BRSK2: variants seen among roughly 807,000 people sequenced by gnomAD.
The protein encoded by BRSK2 is serine/threonine-protein kinase BRSK2.
In BRSK2, 19 loss-of-function variants were observed where a neutral mutation model predicts 83.3. That is an observed-to-expected ratio of 0.23 (90% CI 0.16 to 0.33). The LOEUF is 0.33. Among genes scored for constraint, BRSK2 ranks in the 10% least tolerant of loss-of-function variants. BRSK2 has a pLI of 1.00. For missense variants in BRSK2, 798 were observed against 1,042.3 expected (o/e 0.77, Z 3.23); for synonymous variants, 519 against 435.4 (o/e 1.19, Z -2.39).
chr11:1,403,030 G>A (rs1327217212), intron 1 of BRSK2, among the ~76,000 whole-genome samples: 2 of 152,180 alleles, frequency 1.3e-5, no homozygotes, highest in East Asian at 1.9e-4. Flanking sequence ...GTGGGAGGAC[G>A]GGCGGGACCC....
chr11:1,393,213 T>C (rs1590282234), intron 1 of BRSK2, among the ~76,000 whole-genome samples: 2 of 151,938 alleles, frequency 1.3e-5, no homozygotes, highest in Admixed American at 1.3e-4. Flanking sequence ...TCCAGGAGGG[T>C]GTGTGGCACG....
chr11:1,459,159 C>T lies in BRSK2; in HGVS notation c.1940-33C>T. Reference sequence around the variant, plus strand: ...AAGGCCCAGGACAGCCTTTCACTCACTCCCTCCCTCCTCTCTCCATTCTGT... The same window carrying T: ...AAGGCCCAGGACAGCCTTTCACTCATTCCCTCCCTCCTCTCTCCATTCTGT... On this transcript the variant is annotated intron_variant, in intron 18 of 19. Coordinates refer to ENST00000528841, the MANE Select transcript of BRSK2 (RefSeq NM_001256627.2). 5 of 1,609,098 alleles carry T rather than the reference C, an allele frequency of 3.1e-6. 1 individual carries two copies. In the South Asian group the frequency reaches 5.5e-5, roughly 18 times the overall value.
intron 4 of BRSK2, among the ~76,000 whole-genome samples, chr11:1,442,166 G>T (rs1851432686): frequency 6.6e-6 from 1 of 151,722 alleles, no homozygotes; most frequent in African/African-American, 2.4e-5. Context: ...GCCATTGCTT[G>T]CATCCCTACG....
chr11:1,459,573 G>A (rs1479510349), intron 19 of BRSK2: 3 of 362,066 alleles, frequency 8.3e-6, no homozygotes, highest in Non-Finnish European at 1.6e-5. Flanking sequence ...AGGGGCCGGT[G>A]CCCATCCCTC....
At position 1,450,615 on chromosome 11, in the gene BRSK2, G is replaced by A. The variant is rs760133399; in HGVS notation, c.1316G>A (p.Ser439Asn). ...ACCCCTCACCCCTCACCAAGGGGCAGTCCCCTCCCCACCCCCAAGGGGACA... is the reference window on the plus strand; with the variant it reads ...ACCCCTCACCCCTCACCAAGGGGCAATCCCCTCCCCACCCCCAAGGGGACA... The part of the protein sequence containing the change: ...RVTPHPSPRG[S>N]PLPTPKGTPV... The change falls in exon 14 of 20, where the codon AGT becomes AAT. Residue 439 changes from serine (S) to asparagine (N), a missense_variant. Ser to Asn is a conservative substitution (Grantham distance 46). This residue lies in a region of BRSK2 where 455 missense variants were observed against 455.2 expected (regional missense o/e 1.00). Coordinates refer to ENST00000528841, the MANE Select transcript of BRSK2 (RefSeq NM_001256627.2). The A allele has an allele frequency of 2.5e-6, 4 of 1,595,324 alleles. No individual in the cohort carries two copies. The highest frequency in any genetic ancestry group is 3.4e-6 in the Non-Finnish European group (4 of 1,173,436).
At chr11:1,437,342 C>A (rs1281462651) in intron 2 of BRSK2, among the ~76,000 whole-genome samples, 1 of 152,122 alleles carries the variant, frequency 6.6e-6, no homozygotes, top group Non-Finnish European at 1.5e-5. Flanking sequence ...AGCTCCAAAG[C>A]CTGGTCCACG....
chr11:1,445,362 G>T lies in BRSK2; in HGVS notation c.881G>T (p.Ser294Ile), dbSNP rs1851887068. Reference protein sequence around the residue: ...PRKVQIRSLPSLEDIDPDVLD... With the variant: ...PRKVQIRSLPILEDIDPDVLD... ...AAGGTGCAGATCCGCTCGCTGCCCA[G>T]CCTGGAGGACATCGACCCCGACGTG... is the stretch of plus-strand genomic sequence containing the variant. Residue 294 changes from serine to isoleucine, a missense_variant, in exon 10 of 20, where the codon AGC (serine) becomes ATC (isoleucine). Ser to Ile is a moderately radical substitution (Grantham distance 142). Coordinates refer to ENST00000528841, the MANE Select transcript of BRSK2 (RefSeq NM_001256627.2). 1.2e-6 allele frequency: 2 copies of T among 1,611,950 alleles called. No homozygotes were observed. The highest frequency in any genetic ancestry group is 1.7e-6 in the Non-Finnish European group (2 of 1,179,626).
intron 1 of BRSK2, among the ~76,000 whole-genome samples, chr11:1,404,574 C>T (rs1846703374): frequency 6.6e-6 from 1 of 152,214 alleles, no homozygotes; most frequent in African/African-American, 2.4e-5. Flanking sequence ...CACAGAGCAC[C>T]AGCCTTGGGA....
At chr11:1,446,647 C>T (rs1355063491) in intron 12 of BRSK2, among the ~76,000 whole-genome samples, 1 of 150,962 alleles carries the variant, frequency 6.6e-6, no homozygotes, top group Non-Finnish European at 1.5e-5. Context: ...GGCACCCAGC[C>T]CCTCTGGAGC....
At chr11:1,447,948 C>A in intron 12 of BRSK2, 1 of 1,337,166 alleles carries the variant, frequency 7.5e-7, no homozygotes, top group Non-Finnish European at 1.0e-6. Flanking sequence ...ATGGGCGGGT[C>A]TGGTGGCGGG....
At chr11:1,439,769 C>T (rs1468312436) in intron 3 of BRSK2, among the ~76,000 whole-genome samples, 1 of 150,802 alleles carries the variant, frequency 6.6e-6, no homozygotes, top group African/African-American at 2.4e-5. Flanking sequence ...TTCACACCTT[C>T]CTCTGCCCTG....
intron 1 of BRSK2, among the ~76,000 whole-genome samples, chr11:1,408,982 GTGTGTA>G (rs1315355596): frequency 1.8e-4 from 24 of 135,566 alleles, no homozygotes; most frequent in Non-Finnish European, 3.2e-4. Flanking sequence ...GTGTGTGTGT[GTGTGTA>G]TGTCTGTGCA....
chr11:1,404,947 A>G (rs967646258), intron 1 of BRSK2, among the ~76,000 whole-genome samples: 1 of 85,994 alleles, frequency 1.2e-5, no homozygotes, highest in Non-Finnish European at 2.3e-5. Context: ...GTCCTGACAC[A>G]AGGCCCCCAA....
At chr11:1,404,892 G>T (rs1330228979) in intron 1 of BRSK2, among the ~76,000 whole-genome samples, 1 of 152,058 alleles carries the variant, frequency 6.6e-6, no homozygotes, top group Non-Finnish European at 1.5e-5. Context: ...GAGGGTGGCC[G>T]CAGGGCCCTG....
chr11:1,456,856 C>T (rs938223438), intron 18 of BRSK2, 169 bp downstream of exon 18: 24 of 1,407,670 alleles, frequency 1.7e-5, no homozygotes, highest in Non-Finnish European at 2.3e-5. Context: ...GGGAGCAGAG[C>T]CCCTCCCTGG....
chr11:1,436,250 G>GGGGGGGTC, intron 2 of BRSK2, 116 bp downstream of exon 2: 1 of 168,876 alleles, frequency 5.9e-6, no homozygotes, highest in Non-Finnish European at 9.5e-6. Context: ...GGGGGGGCGG[G>GGGGGGGTC]CCCTGCAGGC....
chr11:1,446,109 TGG>T (rs1306363454), intron 12 of BRSK2, among the ~76,000 whole-genome samples: 45 of 124,922 alleles, frequency 3.6e-4, no homozygotes, highest in African/African-American at 1.4e-3. Flanking sequence ...TGGGCTGGGC[TGG>T]GAGCTGAGCT....
chr11:1,440,413 G>T (rs1851052215), intron 3 of BRSK2, among the ~76,000 whole-genome samples: 1 of 152,094 alleles, frequency 6.6e-6, no homozygotes, highest in Non-Finnish European at 1.5e-5. Flanking sequence ...GAGGGCCAGA[G>T]CAGGCAGGGC....
intron 1 of BRSK2, among the ~76,000 whole-genome samples, chr11:1,407,061 G>C (rs1311734658): frequency 6.6e-6 from 1 of 152,186 alleles, no homozygotes; most frequent in East Asian, 1.9e-4. Flanking sequence ...CAGGGAAGGG[G>C]GTCCCAACGT....
Sources: allele counts gnomAD v4.1 joint callset (sites outside exome capture counted in the v4.1 genomes callset), GRCh38; gene constraint gnomAD v4.1.1; regional missense constraint gnomAD v4.1.1; transcripts MANE v1.5; gene names NCBI Gene and HGNC (gene_info 2026-07-23, HGNC 2026-07-21).